Variants in PNPLA1 observed in about 807,000 individuals in gnomAD.
The protein encoded by PNPLA1 is omega-hydroxyceramide transacylase.
A neutral mutation model predicts 51.7 loss-of-function variants in PNPLA1; 36 were observed. That is an observed-to-expected ratio of 0.70 (90% CI 0.53 to 0.92). The LOEUF (loss-of-function observed/expected upper bound fraction) is 0.92, where lower values mean the gene tolerates loss of function less well. Among genes scored for constraint, PNPLA1 ranks in the 40% least tolerant of loss-of-function variants. PNPLA1 has a pLI of 0.00. For missense variants in PNPLA1, 658 were observed against 682.5 expected (o/e 0.96, Z 0.40); for synonymous variants, 293 against 280.1 (o/e 1.05, Z -0.46).
chr6:36,297,888 A>ACACACCCC (rs60041749), intron 5 of PNPLA1, among the ~76,000 whole-genome samples: 1 of 150,666 alleles, frequency 6.6e-6, no homozygotes, highest in African/African-American at 2.5e-5. Context: ...ACACACACAC[A>ACACACCCC]CCCTGTGAAA....
rs375842256 is a variant in PNPLA1 at position 36,293,363 on chromosome 6, G to A, written c.504+237G>A. The stretch of plus-strand genomic sequence containing the variant: ...GGACCCACCTACCCACTGCCAAGCC[G>A]GGCAAATCAAGGCTCCATAGGCTTG... On this transcript the variant is annotated intron_variant, in intron 3 of 8. Coordinates refer to ENST00000636260, the MANE Select transcript of PNPLA1 (RefSeq NM_001374623.1). Among the ~76,000 whole-genome samples the A allele has an allele frequency of 6.6e-5, 10 of 152,306 alleles. No individual in the cohort carries two copies. In the South Asian group the frequency reaches 1.7e-3, roughly 25 times the overall value.
In PNPLA1 at chr6:36,270,534, C is replaced by T. The variant is rs1187725209; in HGVS notation, c.75C>T (p.Ser25=). The T allele has an allele frequency of 1.9e-6, 3 of 1,551,512 alleles. No individual in the cohort carries two copies. Among genetic ancestry groups the T allele is most frequent in the South Asian group, 1.2e-5 (1 of 84,072 alleles). ...CCTTCTCGGGCAGTGGATTCCTCTC[C>T]TTCTACCAGGCGGGGGCTGTGGACG... is the stretch of plus-strand genomic sequence containing the variant. ...SISFSGSGFL[S]FYQAGAVDAL... Residue 25 remains serine, a synonymous_variant, in exon 1 of 9, where the codon TCC becomes TCT. Coordinates refer to ENST00000636260, the MANE Select transcript of PNPLA1 (RefSeq NM_001374623.1).
chr6:36,252,599 G>A (rs900850070), intron 1 of PNPLA1, among the ~76,000 whole-genome samples: 2 of 151,662 alleles, frequency 1.3e-5, no homozygotes, highest in Non-Finnish European at 2.9e-5. Flanking sequence ...GAAGACACAG[G>A]TACTTAATGA....
chr6:36,303,299 T>G (rs928002562), intron 6 of PNPLA1, among the ~76,000 whole-genome samples: 2 of 152,152 alleles, frequency 1.3e-5, no homozygotes, highest in African/African-American at 2.4e-5. Context: ...TTCACTGTGT[T>G]AGCCAGGATG....
intron 6 of PNPLA1, 69 bp downstream of exon 6, chr6:36,302,538 C>A: frequency 3.3e-6 from 5 of 1,504,090 alleles, no homozygotes; most frequent in Non-Finnish European, 2.7e-6. Flanking sequence ...GCAAGGACAC[C>A]AGGGCTGATA....
chr6:36,286,568 TA>T (rs113578272), intron 1 of PNPLA1, among the ~76,000 whole-genome samples: 18,568 of 145,748 alleles, frequency 0.13, 1,978 homozygotes, highest in African/African-American at 0.29. Flanking sequence ...ACCCTGTCTC[TA>T]AAAAAAAAAA....
Position 36,302,388 on chromosome 6 carries a change from C to A in PNPLA1, c.1303C>A (p.Pro435Thr). ...CCTGGGGCCTTCAACTGTGGGGGCA[C>A]CTCAAACACTGCCCCGAAGTTCTCT... The part of the protein sequence containing the change: ...PSLGPSTVGA[P>T]QTLPRSSLSA... The change falls in exon 6 of 9, where the codon CCT becomes ACT. Residue 435 changes from proline (P) to threonine (T), a missense_variant. Physicochemically the swap from Pro to Thr is conservative, Grantham distance 38. Coordinates refer to ENST00000636260, the MANE Select transcript of PNPLA1 (RefSeq NM_001374623.1). The A allele has an allele frequency of 1.3e-6, 2 of 1,597,020 alleles. No individual in the cohort carries two copies. Among genetic ancestry groups the A allele is most frequent in the South Asian group, 1.1e-5 (1 of 88,762 alleles).
intron 1 of PNPLA1, among the ~76,000 whole-genome samples, chr6:36,277,559 C>T (rs1770143573): frequency 6.6e-6 from 1 of 152,196 alleles, no homozygotes; most frequent in Non-Finnish European, 1.5e-5. Flanking sequence ...AGACCAAAAC[C>T]ATGACTTCCT....
intron 1 of PNPLA1, among the ~76,000 whole-genome samples, chr6:36,246,482 G>A (rs1769286846): frequency 6.6e-6 from 1 of 152,204 alleles, no homozygotes; most frequent in Non-Finnish European, 1.5e-5. Context: ...AATTACAGGT[G>A]TGAGCCATGG....
At chr6:36,258,455 A>G (rs1460197687) in intron 1 of PNPLA1, among the ~76,000 whole-genome samples, 1 of 152,136 alleles carries the variant, frequency 6.6e-6, no homozygotes, top group Non-Finnish European at 1.5e-5. Context: ...TCTTCCAAGT[A>G]TTGTCTCCCC....
chr6:36,295,343 T>A (rs1770824482), intron 4 of PNPLA1, 21 bp from the exon 5 acceptor site: 1 of 1,614,082 alleles, frequency 6.2e-7, no homozygotes, highest in Non-Finnish European at 8.5e-7. Context: ...TTGGTAATTC[T>A]CCTGGTGCCT....
intron 6 of PNPLA1, among the ~76,000 whole-genome samples, 156 bp from the exon 7 acceptor site, chr6:36,306,136 C>T (rs1219256686): frequency 6.6e-6 from 1 of 152,162 alleles, no homozygotes; most frequent in Non-Finnish European, 1.5e-5. Context: ...CAGTCAAGTC[C>T]CACGACATGA....
chr6:36,283,842 T>G lies in PNPLA1; in HGVS notation c.206-7478T>G, dbSNP rs1436217832. ...GCTGTTGCATCATCCCAGTGTCCCC[T>G]TGGTAGTGCATGGAGAATCTGTACG... On this transcript the variant is annotated intron_variant, in intron 1 of 8. Coordinates refer to ENST00000636260, the MANE Select transcript of PNPLA1 (RefSeq NM_001374623.1). Among the ~76,000 whole-genome samples, 6 of 152,148 alleles carry G rather than the reference T, an allele frequency of 3.9e-5. No homozygotes were observed. In the East Asian group the frequency reaches 1.2e-3, roughly 29 times the overall value.
chr6:36,295,286 A>G (rs1387762212), intron 4 of PNPLA1, 78 bp from the exon 5 acceptor site: 1 of 1,444,848 alleles, frequency 6.9e-7, no homozygotes, highest in African/African-American at 1.4e-5. Context: ...CAATGGGAGT[A>G]GCTGCCCTGG....
At chr6:36,282,088 A>AGAAAGAAAGAAAGAAAGAAGGAAGGAAG (rs1554136580) in intron 1 of PNPLA1, among the ~76,000 whole-genome samples, 3 of 98,898 alleles carry the variant, frequency 3.0e-5, no homozygotes, top group African/African-American at 9.7e-5. Context: ...AAAGAAAGAA[A>AGAAAGAAAGAAAGAAAGAAGGAAGGAAG]GAAGGAAGGA....
Position 36,270,342 on chromosome 6 carries a change from G to A in PNPLA1, c.-118G>A. On this transcript the variant is annotated 5_prime_UTR_variant, in exon 1 of 9. Coordinates refer to ENST00000636260, the MANE Select transcript of PNPLA1 (RefSeq NM_001374623.1). The stretch of plus-strand genomic sequence containing the variant: ...CCGGGTAGAGACAGCCACATTCCAA[G>A]CTCCGGGGTGGCAGGGAAGCTGGGT... 1 of 1,056,022 alleles carries A rather than the reference G, an allele frequency of 9.5e-7. No individual in the cohort carries two copies. The highest frequency in any genetic ancestry group is 1.4e-6 in the Non-Finnish European group (1 of 714,928). The allele number at this position is 1,056,022 out of a possible 1,614,324, so 65.4% of individuals were successfully genotyped here. A position where few individuals can be genotyped will look rare whatever the true frequency, so the allele number is the denominator to read the frequency against.
chr6:36,295,553 C>G (rs1365593270), intron 5 of PNPLA1, 129 bp downstream of exon 5: 1 of 1,007,090 alleles, frequency 9.9e-7, no homozygotes, highest in African/African-American at 1.6e-5. Flanking sequence ...CCTGGGAGAG[C>G]TGGAAATGGG....
chr6:36,275,606 CTTCTA>C (rs1295632244), intron 1 of PNPLA1, among the ~76,000 whole-genome samples: 3 of 152,166 alleles, frequency 2.0e-5, no homozygotes, highest in African/African-American at 7.2e-5. Context: ...TCAAGTGTCT[CTTCTA>C]TTCTGTTGGC....
At chr6:36,262,018 G>T (rs1172090690) in intron 1 of PNPLA1, among the ~76,000 whole-genome samples, 2 of 152,134 alleles carry the variant, frequency 1.3e-5, no homozygotes, top group East Asian at 3.8e-4. Context: ...TATCCTCTGG[G>T]GAGAATCGCC....
Sources: gnomAD v4.1 joint callset for allele counts (sites outside exome capture counted in the v4.1 genomes callset) on GRCh38, gnomAD v4.1.1 for gene constraint, MANE v1.5 for transcripts, NCBI Gene and HGNC (gene_info 2026-07-23, HGNC 2026-07-21) for gene names.